Variants in NBAS observed in about 807,000 individuals in gnomAD.
NBAS encodes NAG/BC035112 fusion.
NBAS carries 219 observed loss-of-function variants against 302.5 expected under a neutral mutation model. The observed-to-expected ratio is 0.72, with a 90% CI of 0.65 to 0.81. The LOEUF (loss-of-function observed/expected upper bound fraction) is 0.81, where lower values mean the gene tolerates loss of function less well. NBAS is among the 30% of genes least tolerant of loss of function. The pLI, the probability that NBAS is intolerant of heterozygous loss-of-function variation, is 0.00. For synonymous variants in NBAS, 1,118 were observed against 1,021.6 expected (o/e 1.09, Z -1.80); for missense variants, 2,932 against 2,841.6 (o/e 1.03, Z -0.72).
the NBAS span, among the ~76,000 whole-genome samples, chr2:14,779,687 T>C: frequency 2.0e-5 from 3 of 152,156 alleles, no homozygotes; most frequent in African/African-American, 7.2e-5. Context: ...TTCTCAGCTT[T>C]AGTGTTCTCC....
chr2:15,182,156 G>C (rs1164100687), intron 50 of NBAS, among the ~76,000 whole-genome samples: 1 of 152,224 alleles, frequency 6.6e-6, no homozygotes, highest in Non-Finnish European at 1.5e-5. Flanking sequence ...GTGTTCTCCA[G>C]AGCCTCTCAG....
At chr2:15,486,300 A>G (rs1680625799) in intron 12 of NBAS, among the ~76,000 whole-genome samples, 1 of 152,188 alleles carries the variant, frequency 6.6e-6, no homozygotes, top group South Asian at 2.1e-4. Flanking sequence ...AATAATTCAT[A>G]CCACCCACAT....
rs78326538 is a variant in NBAS, at chr2:15,343,966, GAAAAA to G, written c.4179+8021_4179+8025del. 3.5e-5 allele frequency among the ~76,000 whole-genome samples: 3 copies of G among 85,200 alleles called. No individual in the cohort carries two copies. The South Asian group carries it at 1.2e-3, about 34-fold the overall frequency. The allele number at this position is 85,200 out of a possible 152,430, so 55.9% of individuals were successfully genotyped here. ...AAAAATACTTTAAAATCATAAATCT[GAAAAA>G]AAAAAAAAACACTTGACTGCAAGAT... On this transcript the variant is annotated intron_variant, in intron 35 of 51. Transcript: ENST00000281513.
the NBAS span, among the ~76,000 whole-genome samples, chr2:14,903,887 G>T: frequency 1.3e-5 from 2 of 152,120 alleles, no homozygotes; most frequent in East Asian, 1.9e-4. Flanking sequence ...GCCTGAGGGT[G>T]GGGGGAGGCG....
the NBAS span, among the ~76,000 whole-genome samples, chr2:14,812,012 T>C: frequency 1.3e-5 from 2 of 152,206 alleles, no homozygotes; most frequent in Non-Finnish European, 2.9e-5. Flanking sequence ...TTATTTCTCA[T>C]GATTCTGTTT....
At chr2:14,847,382 TAAA>T in the NBAS span, among the ~76,000 whole-genome samples, 2,451 of 53,140 alleles carry the variant, frequency 0.046, 121 homozygotes, top group African/African-American at 0.15. Context: ...GACTCTATCT[TAAA>T]AAAAAAAAAA....
intron 21 of NBAS, among the ~76,000 whole-genome samples, chr2:15,459,232 C>T (rs1679393209): frequency 1.3e-5 from 2 of 152,130 alleles, no homozygotes; most frequent in South Asian, 4.1e-4. Context: ...ATGGCCTAGA[C>T]AAATGTATCC....
the NBAS span, among the ~76,000 whole-genome samples, chr2:15,155,873 A>G: frequency 6.6e-6 from 1 of 152,314 alleles, no homozygotes; most frequent in Admixed American, 6.5e-5. Flanking sequence ...ATGGTCTATG[A>G]GAAGAAATCA....
chr2:15,125,318 C>T, the NBAS span, among the ~76,000 whole-genome samples: 10 of 152,162 alleles, frequency 6.6e-5, no homozygotes, highest in African/African-American at 2.4e-4. Context: ...AGCTTACAAT[C>T]ATGGCAGAAG....
At chr2:14,808,115 G>T in the NBAS span, among the ~76,000 whole-genome samples, 1 of 152,032 alleles carries the variant, frequency 6.6e-6, no homozygotes. Context: ...CATCTACTTT[G>T]TGCAAGACAT....
chr2:15,530,113 A>G (rs1663151069), intron 9 of NBAS, among the ~76,000 whole-genome samples: 1 of 152,134 alleles, frequency 6.6e-6, no homozygotes, highest in Admixed American at 6.5e-5. Flanking sequence ...TGATTATCAA[A>G]CTTCTTAAGG....
chr2:15,069,104 A>G, the NBAS span, among the ~76,000 whole-genome samples: 4 of 152,208 alleles, frequency 2.6e-5, no homozygotes, highest in African/African-American at 7.2e-5. Context: ...CAGAGCTCTC[A>G]CGACCTAATC....
chr2:15,536,659 G>T, intron 7 of NBAS, 108 bp from the exon 8 acceptor site: 2 of 1,034,792 alleles, frequency 1.9e-6, no homozygotes, highest in Non-Finnish European at 2.9e-6. Flanking sequence ...TACACTTTAT[G>T]TAAGATAACT....
chr2:15,000,168 G>A, the NBAS span, among the ~76,000 whole-genome samples: 1 of 152,162 alleles, frequency 6.6e-6, no homozygotes, highest in East Asian at 1.9e-4. Flanking sequence ...CATGAAAGTA[G>A]GCACCATGCT....
At chr2:15,392,975 G>T (rs1675682651) in intron 28 of NBAS, among the ~76,000 whole-genome samples, 1 of 152,162 alleles carries the variant, frequency 6.6e-6, no homozygotes. Context: ...ACAGACAACA[G>T]ATTTCAAGAA....
the NBAS span, among the ~76,000 whole-genome samples, chr2:14,802,380 A>G: frequency 6.6e-6 from 1 of 150,730 alleles, no homozygotes; most frequent in African/African-American, 2.5e-5. Flanking sequence ...CCATTGATCT[A>G]TATCTCTGTT....
intron 45 of NBAS, among the ~76,000 whole-genome samples, chr2:15,238,073 C>A (rs559345107): frequency 2.0e-5 from 3 of 152,204 alleles, no homozygotes; most frequent in African/African-American, 7.2e-5. Flanking sequence ...CCGCGCCCAG[C>A]CTATTTTTAT....
At chr2:15,155,854 A>G in the NBAS span, among the ~76,000 whole-genome samples, 2 of 152,158 alleles carry the variant, frequency 1.3e-5, no homozygotes, top group Admixed American at 1.3e-4. Context: ...GCCTGGCTCC[A>G]TTGCGCAGAT....
Position 15,287,123 on chromosome 2 carries a change from G to A in NBAS, c.5088C>T (p.Ser1696=). The A allele has an allele frequency of 6.2e-7, 1 of 1,614,032 alleles. No individual in the cohort carries two copies. The highest frequency in any genetic ancestry group is 1.7e-5 in the Admixed American group (1 of 60,026). The change falls in exon 42 of 52, where the codon TCC becomes TCT. Residue 1696 remains serine (S), a synonymous_variant. Coordinates refer to ENST00000281513, the MANE Select transcript of NBAS (RefSeq NM_015909.4). ...AISLAQRYSV[S]RWEVFMTHLE... is the part of the protein sequence containing the mutation. ...AATGGGTCATAAAAACTTCCCAGCGGGAGACACTGTAACGTTGTGCCAGAG... is the reference window on the plus strand; with the variant it reads ...AATGGGTCATAAAAACTTCCCAGCGAGAGACACTGTAACGTTGTGCCAGAG...
Sources: allele counts gnomAD v4.1 joint callset (sites outside exome capture counted in the v4.1 genomes callset), GRCh38; gene constraint gnomAD v4.1.1; transcripts MANE v1.5; gene names NCBI Gene and HGNC (gene_info 2026-07-23, HGNC 2026-07-21).